The following LARGE1 variants were observed in gnomAD, a reference collection of about 807,000 sequenced individuals.
LARGE1 encodes the protein xylosyl- and glucuronyltransferase LARGE1.
LARGE1 carries 43 observed loss-of-function variants against 87.6 expected under a neutral mutation model. The ratio of observed to expected loss-of-function variants is 0.49; its 90% CI spans 0.38 to 0.63. LARGE1 has a LOEUF of 0.63. LARGE1 is among the 30% of genes least tolerant of loss of function. The pLI is 0.00. For missense variants in LARGE1, 802 were observed against 1,000.2 expected (o/e 0.80, Z 2.67); for synonymous variants, 434 against 394.6 (o/e 1.10, Z -1.18).
chr22:33,599,356 A>C (rs2079057782), intron 5 of LARGE1, among the ~76,000 whole-genome samples: 1 of 151,292 alleles, frequency 6.6e-6, no homozygotes, highest in South Asian at 2.1e-4. Context: ...ACAAAGCTCT[A>C]CGCAAAAATA....
intron 4 of LARGE1, among the ~76,000 whole-genome samples, chr22:33,617,523 T>C (rs1023268548): frequency 9.9e-5 from 15 of 152,220 alleles, no homozygotes; most frequent in African/African-American, 3.6e-4. Context: ...CAAGGCTATT[T>C]AGTTTTATAT....
chr22:33,538,478 T>C (rs4820106), intron 6 of LARGE1, among the ~76,000 whole-genome samples: 67,073 of 152,116 alleles, frequency 0.44, 16,654 homozygotes, highest in Admixed American at 0.55. Flanking sequence ...AGTTAAAAAA[T>C]GAATAGCATT....
intron 6 of LARGE1, among the ~76,000 whole-genome samples, chr22:33,432,799 C>T (rs1421049123): frequency 6.6e-6 from 1 of 152,178 alleles, no homozygotes; most frequent in Non-Finnish European, 1.5e-5. Context: ...AGAGAAGAGC[C>T]ACTCTTTGTC....
At chr22:33,421,246 A>AATC (rs2066687786) in intron 7 of LARGE1, among the ~76,000 whole-genome samples, 1 of 150,928 alleles carries the variant, frequency 6.6e-6, no homozygotes, top group East Asian at 1.9e-4. Flanking sequence ...ATCAATCAAT[A>AATC]AAGGAGTGGG....
At chr22:33,187,613 T>C (rs1923544267) in intron 11 of LARGE1, among the ~76,000 whole-genome samples, 1 of 151,562 alleles carries the variant, frequency 6.6e-6, no homozygotes, top group South Asian at 2.1e-4. Context: ...TGATGCACTG[T>C]AGTCTTAAGA....
intron 2 of LARGE1, among the ~76,000 whole-genome samples, chr22:33,653,932 C>G (rs956178392): frequency 6.6e-5 from 10 of 152,154 alleles, no homozygotes; most frequent in Admixed American, 5.2e-4. Context: ...AGCAAGCAAG[C>G]AGGCTTCACC....
chr22:33,649,814 C>T (rs1034876957), intron 3 of LARGE1, among the ~76,000 whole-genome samples: 1 of 152,234 alleles, frequency 6.6e-6, no homozygotes, highest in South Asian at 2.1e-4. Flanking sequence ...AAATATCCCA[C>T]ATTTCCAAAG....
chr22:33,633,582 C>A (rs184777881), intron 3 of LARGE1, among the ~76,000 whole-genome samples: 159 of 152,362 alleles, frequency 1.0e-3, no homozygotes, highest in Non-Finnish European at 1.9e-3. Context: ...CAACACCCTG[C>A]CAGCCCTGCT....
chr22:33,226,935 T>A (rs1005833163), intron 11 of LARGE1, among the ~76,000 whole-genome samples: 31 of 152,126 alleles, frequency 2.0e-4, no homozygotes, highest in African/African-American at 7.5e-4. Context: ...TTCACCGTGT[T>A]AGCCAAGATG....
intron 3 of LARGE1, among the ~76,000 whole-genome samples, chr22:33,636,642 C>G (rs915584214): frequency 6.6e-6 from 1 of 152,166 alleles, no homozygotes; most frequent in Non-Finnish European, 1.5e-5. Context: ...ATCCTCTCAC[C>G]TCAGCTTCCT....
At chr22:33,101,986 A>G in the LARGE1 span, among the ~76,000 whole-genome samples, 1 of 152,014 alleles carries the variant, frequency 6.6e-6, no homozygotes, top group Non-Finnish European at 1.5e-5. Context: ...TCTTTTTCCT[A>G]CCAAATGTTT....
chr22:33,130,427 T>C, the LARGE1 span, among the ~76,000 whole-genome samples: 2 of 149,800 alleles, frequency 1.3e-5, no homozygotes, highest in African/African-American at 4.9e-5. Flanking sequence ...GAGGAGGAGG[T>C]TGCAGTGAGC....
intron 2 of LARGE1, among the ~76,000 whole-genome samples, chr22:33,664,445 T>G (rs1185651105): frequency 6.6e-6 from 1 of 152,240 alleles, no homozygotes; most frequent in East Asian, 1.9e-4. Context: ...ATACAAACAC[T>G]TCCCCACAAC....
At chr22:33,844,287 T>C (rs2063365850) in intron 1 of LARGE1, among the ~76,000 whole-genome samples, 1 of 152,130 alleles carries the variant, frequency 6.6e-6, no homozygotes, top group Non-Finnish European at 1.5e-5. Flanking sequence ...ATACAGGCTT[T>C]CTAGCCCAGG....
intron 9 of LARGE1, among the ~76,000 whole-genome samples, chr22:33,375,623 G>C (rs906849087): frequency 6.6e-6 from 1 of 152,220 alleles, no homozygotes; most frequent in African/African-American, 2.4e-5. Context: ...CTCAGCCTTA[G>C]AGTAGATGAA....
the LARGE1 span, among the ~76,000 whole-genome samples, chr22:33,089,457 C>CCTCTTT: frequency 9.1e-6 from 1 of 109,424 alleles, no homozygotes; most frequent in East Asian, 8.5e-4. Flanking sequence ...TCTTCTTCCT[C>CCTCTTT]CTCTTCCTCT....
At chr22:33,912,672 G>A (rs561411595) in intron 1 of LARGE1, among the ~76,000 whole-genome samples, 2 of 152,064 alleles carry the variant, frequency 1.3e-5, no homozygotes, top group South Asian at 4.2e-4. Context: ...ACTCCAGGTT[G>A]CCCAAAATTA....
Position 33,703,377 on chromosome 22 carries a change from T to G in LARGE1, c.107-52709A>C, listed in dbSNP as rs186082928. On this transcript the variant is annotated intron_variant, in intron 2 of 14. Coordinates refer to ENST00000397394, the MANE Select transcript of LARGE1 (RefSeq NM_133642.5). ...AGTGAAAAAAAAAAAAAAAATAAAA[T>G]AAAAAAAGACTAGAGAGACACATCA... is the stretch of plus-strand genomic sequence containing the variant. 5.1e-3 allele frequency among the ~76,000 whole-genome samples: 655 copies of G among 127,614 alleles called. 3 individuals are homozygous for G. Among genetic ancestry groups the G allele is most frequent in the African/African-American group, 0.012 (421 of 33,742 alleles). 83.7% of individuals were successfully genotyped at this position (127,614 alleles called of 152,430 possible). A position where few individuals can be genotyped will look rare whatever the true frequency, so the allele number is the denominator to read the frequency against.
chr22:33,310,302 C>G (rs541371563), intron 11 of LARGE1, among the ~76,000 whole-genome samples: 1 of 152,280 alleles, frequency 6.6e-6, no homozygotes, highest in East Asian at 1.9e-4. Flanking sequence ...TGAGGCCCCG[C>G]AACTGTAGTC....
Sources: gnomAD v4.1 joint callset for allele counts (sites outside exome capture counted in the v4.1 genomes callset) on GRCh38, gnomAD v4.1.1 for gene constraint, MANE v1.5 for transcripts, NCBI Gene and HGNC (gene_info 2026-07-23, HGNC 2026-07-21) for gene names.